The following TMEM178B variants were observed in gnomAD, a reference collection of about 807,000 sequenced individuals.
TMEM178B encodes the protein transmembrane protein 178B.
Under a neutral mutation model 31.0 loss-of-function variants are expected in TMEM178B, and 5 were observed. The observed-to-expected ratio is 0.16, with a 90% confidence interval of 0.08 to 0.34. TMEM178B has a LOEUF of 0.34. TMEM178B is among the 10% of genes least tolerant of loss of function. TMEM178B has a pLI of 1.00. For missense variants in TMEM178B, 275 were observed against 400.3 expected, an observed-to-expected ratio of 0.69 and a Z score of 2.67; for synonymous variants, 164 against 164.0, an observed-to-expected ratio of 1.00 and a Z score of 0.00.
intron 2 of TMEM178B, among the ~76,000 whole-genome samples, chr7:141,385,631 C>A (rs1038724640): frequency 1.3e-5 from 2 of 152,162 alleles, no homozygotes; most frequent in Non-Finnish European, 2.9e-5. Flanking sequence ...AAGGAGTCAG[C>A]AACCTTTTTA....
intron 1 of TMEM178B, among the ~76,000 whole-genome samples, chr7:141,096,795 A>G (rs1794966991): frequency 6.6e-6 from 1 of 152,226 alleles, no homozygotes; most frequent in Admixed American, 6.5e-5. Context: ...CAAGGTAGTC[A>G]GACAGAAGTT....
chr7:141,242,165 AACTTTGAAGCAGATTG>A (rs1797633394), intron 2 of TMEM178B, among the ~76,000 whole-genome samples: 2 of 152,092 alleles, frequency 1.3e-5, no homozygotes, highest in South Asian at 2.1e-4. Context: ...AAATAAGATT[AACTTTGAAGCAGATTG>A]ACTTTGAAGC....
chr7:141,395,865 T>C (rs1336806201), intron 2 of TMEM178B, among the ~76,000 whole-genome samples: 1 of 152,162 alleles, frequency 6.6e-6, no homozygotes, highest in Non-Finnish European at 1.5e-5. Flanking sequence ...ATACCACATA[T>C]AATAAACAGC....
At chr7:141,167,202 C>T (rs1025554933) in intron 1 of TMEM178B, among the ~76,000 whole-genome samples, 3 of 152,214 alleles carry the variant, frequency 2.0e-5, no homozygotes, top group Admixed American at 6.5e-5. Context: ...GAACTAGTCT[C>T]CTGACACATT....
At chr7:141,334,680 C>G (rs1799354082) in intron 2 of TMEM178B, among the ~76,000 whole-genome samples, 1 of 152,214 alleles carries the variant, frequency 6.6e-6, no homozygotes, top group Non-Finnish European at 1.5e-5. Flanking sequence ...CCTCATCCTC[C>G]TCCTCTTTGC....
At chr7:141,389,913 C>A (rs1800504016) in intron 2 of TMEM178B, among the ~76,000 whole-genome samples, 1 of 152,092 alleles carries the variant, frequency 6.6e-6, no homozygotes, top group Admixed American at 6.5e-5. Context: ...AAAGGAGAAT[C>A]TTTTTCTTTT....
chr7:141,151,923 T>G (rs1795981135), intron 1 of TMEM178B, among the ~76,000 whole-genome samples: 1 of 152,150 alleles, frequency 6.6e-6, no homozygotes, highest in Admixed American at 6.5e-5. Context: ...CAGCCAGGAT[T>G]CACGGGTGCA....
intron 2 of TMEM178B, among the ~76,000 whole-genome samples, chr7:141,407,589 C>T (rs1310682141): frequency 1.3e-5 from 2 of 152,150 alleles, no homozygotes; most frequent in East Asian, 1.9e-4. Flanking sequence ...GTCTGAATAG[C>T]TTACATATAT....
chr7:141,187,862 G>A (rs1180975026), intron 1 of TMEM178B, among the ~76,000 whole-genome samples: 7 of 151,732 alleles, frequency 4.6e-5, no homozygotes, highest in Middle Eastern at 3.4e-3. Context: ...AGATGAGTAG[G>A]TTGCAAAAAT....
At chr7:141,431,987 A>G (rs1801438696) in intron 2 of TMEM178B, among the ~76,000 whole-genome samples, 1 of 152,184 alleles carries the variant, frequency 6.6e-6, no homozygotes, top group South Asian at 2.1e-4. Context: ...AATAAAAAGC[A>G]ACAAAGATTT....
chr7:141,116,621 C>T (rs1795322929), intron 1 of TMEM178B, among the ~76,000 whole-genome samples: 1 of 150,894 alleles, frequency 6.6e-6, no homozygotes, highest in African/African-American at 2.4e-5. Flanking sequence ...CACCCATCCT[C>T]CCATCATCTA....
chr7:141,093,927 G>A (rs1794917982), intron 1 of TMEM178B, among the ~76,000 whole-genome samples: 1 of 152,144 alleles, frequency 6.6e-6, no homozygotes, highest in African/African-American at 2.4e-5. Context: ...ATTGGAGACG[G>A]TGAGCAAAGA....
At chr7:141,216,395 A>G (rs533077198) in intron 2 of TMEM178B, among the ~76,000 whole-genome samples, 1 of 151,718 alleles carries the variant, frequency 6.6e-6, no homozygotes, top group Non-Finnish European at 1.5e-5. Context: ...AATAAACTCC[A>G]TAGGGAGTAA....
At chr7:141,106,771 G>T (rs1240088029) in intron 1 of TMEM178B, among the ~76,000 whole-genome samples, 1 of 152,182 alleles carries the variant, frequency 6.6e-6, no homozygotes, top group African/African-American at 2.4e-5. Flanking sequence ...TAGTAATCTT[G>T]TCTCTGCCTC....
intron 2 of TMEM178B, among the ~76,000 whole-genome samples, chr7:141,324,833 TA>T: frequency 6.6e-6 from 1 of 152,248 alleles, no homozygotes; most frequent in African/African-American, 2.4e-5. Context: ...GGATTCTTTG[TA>T]ACTATGTCCC....
intron 2 of TMEM178B, among the ~76,000 whole-genome samples, chr7:141,319,337 T>G (rs1327308715): frequency 6.6e-6 from 1 of 152,246 alleles, no homozygotes; most frequent in Admixed American, 6.5e-5. Flanking sequence ...TTCAACAGGC[T>G]TATGAGCTTG....
At chr7:141,447,332 A>G (rs1159784710) in intron 3 of TMEM178B, among the ~76,000 whole-genome samples, 1 of 152,080 alleles carries the variant, frequency 6.6e-6, no homozygotes, top group Non-Finnish European at 1.5e-5. Context: ...GCAGGAAGCC[A>G]TAAGAAGACT....
chr7:141,385,256 A>G (rs1030465612), intron 2 of TMEM178B, among the ~76,000 whole-genome samples: 2 of 152,162 alleles, frequency 1.3e-5, no homozygotes, highest in African/African-American at 4.8e-5. Flanking sequence ...CAATGTGTCC[A>G]TCTCTGAAAT....
intron 2 of TMEM178B, among the ~76,000 whole-genome samples, chr7:141,272,770 C>G (rs890029887): frequency 6.6e-6 from 1 of 152,344 alleles, no homozygotes; most frequent in African/African-American, 2.4e-5. Context: ...GACAAGATAA[C>G]AGCAGCAACT....
Sources: gnomAD v4.1 joint callset for allele counts (sites outside exome capture counted in the v4.1 genomes callset) on GRCh38, gnomAD v4.1.1 for gene constraint, MANE v1.5 for transcripts, NCBI Gene and HGNC (gene_info 2026-07-23, HGNC 2026-07-21) for gene names.